Variants in CCSAP observed in about 807,000 individuals in gnomAD.
CCSAP encodes centriole, cilia and spindle-associated protein.
A neutral mutation model predicts 25.9 loss-of-function variants in CCSAP; 17 were observed. That is an observed-to-expected ratio of 0.66 (90% CI 0.45 to 0.99). The LOEUF is 0.99. Ranked by LOEUF, CCSAP falls within the 50% of genes least tolerant of loss-of-function variation. CCSAP has a pLI of 0.00. For missense variants in CCSAP, 339 were observed against 367.8 expected (o/e 0.92, Z 0.64); for synonymous variants, 169 against 157.1 (o/e 1.08, Z -0.57).
intron 2 of CCSAP, among the ~76,000 whole-genome samples, chr1:229,330,359 C>T (rs560899408): frequency 6.6e-5 from 10 of 152,156 alleles, no homozygotes; most frequent in Middle Eastern, 3.2e-3. Context: ...ATGAAAGCCA[C>T]GGCTCCTGGT....
chr1:229,340,959 G>A (rs374306121), intron 2 of CCSAP, among the ~76,000 whole-genome samples: 3 of 152,308 alleles, frequency 2.0e-5, no homozygotes, highest in African/African-American at 7.2e-5. Context: ...ACTTTGGGAG[G>A]CCGAGGCGGG....
chr1:229,340,917 C>G (rs1666865711), intron 2 of CCSAP, among the ~76,000 whole-genome samples: 1 of 152,106 alleles, frequency 6.6e-6, no homozygotes, highest in Admixed American at 6.5e-5. Context: ...AGATTAGGGC[C>G]GGGCATGGTG....
chr1:229,326,497 A>T (rs1374766038), intron 3 of CCSAP, among the ~76,000 whole-genome samples: 1 of 152,164 alleles, frequency 6.6e-6, no homozygotes, highest in Non-Finnish European at 1.5e-5. Flanking sequence ...TGGTGTCACT[A>T]AACTCTTCTG....
chr1:229,328,484 T>C (rs2102692576), intron 2 of CCSAP, among the ~76,000 whole-genome samples: 1 of 151,936 alleles, frequency 6.6e-6, no homozygotes, highest in Non-Finnish European at 1.5e-5. Flanking sequence ...AAAAAATTTT[T>C]TTTGTAGAGA....
chr1:229,342,281 G>C lies in CCSAP; in HGVS notation c.185C>G (p.Ala62Gly). ...CCCGGCGCCCGACGACTCTGACGAC[G>C]CCGAGTCCTCCGAGGAGCCGGCCGG... is the stretch of plus-strand genomic sequence containing the variant. ...WGPAGSSEDS[A>G]SSESSGAGGP... Residue 62 changes from alanine (A) to glycine (G), a missense_variant, in exon 2 of 4, where the codon GCG becomes GGG. Ala to Gly is a moderately conservative substitution (Grantham distance 60). Coordinates refer to ENST00000284617, the MANE Select transcript of CCSAP (RefSeq NM_145257.5). This position sits in a 1 kb window ranked among gnomAD's most constrained non-coding sequence, Gnocchi z 7.5. The C allele has an allele frequency of 7.3e-7, 1 of 1,370,542 alleles. No homozygotes were observed. The highest frequency in any genetic ancestry group is 9.4e-7 in the Non-Finnish European group (1 of 1,061,362). 84.9% of individuals were successfully genotyped at this position (1,370,542 alleles called of 1,614,324 possible).
intron 2 of CCSAP, among the ~76,000 whole-genome samples, chr1:229,333,268 T>C (rs1558251000): frequency 1.3e-5 from 2 of 149,956 alleles, no homozygotes; most frequent in Non-Finnish European, 3.0e-5. Flanking sequence ...CCGTCTCTAC[T>C]AAAAATACAA....
intron 2 of CCSAP, among the ~76,000 whole-genome samples, chr1:229,328,608 T>C (rs761217206): frequency 6.6e-6 from 1 of 152,178 alleles, no homozygotes; most frequent in Non-Finnish European, 1.5e-5. Context: ...CACCCAGCCA[T>C]CAGTGATGAT....
chr1:229,332,794 C>T (rs1391775574), intron 2 of CCSAP, among the ~76,000 whole-genome samples: 3 of 152,044 alleles, frequency 2.0e-5, no homozygotes, highest in African/African-American at 7.2e-5. Context: ...TGCTCAATAC[C>T]CACATGTGGC....
rs1189934493 is a variant in CCSAP, at chr1:229,342,258, C to T, written c.208G>A (p.Gly70Arg). The change falls in exon 2 of 4, where the codon GGG becomes AGG. Residue 70 changes from glycine to arginine, a missense_variant. By Grantham distance (125) the Gly-to-Arg change is moderately radical. Transcript: ENST00000284617. The surrounding 1 kb of genome is among the most constrained non-coding windows in gnomAD (Gnocchi z 7.5). Reference sequence around the variant, plus strand: ...GGGGCGCACCGGGGTGCGGGGCCCCCGGCGCCCGACGACTCTGACGACGCC... The same window carrying T: ...GGGGCGCACCGGGGTGCGGGGCCCCTGGCGCCCGACGACTCTGACGACGCC... ...DSASSESSGA[G>R]GPAPRCAPPS... 1.6e-6 allele frequency: 2 copies of T among 1,284,452 alleles called. No individual in the cohort carries two copies. Among genetic ancestry groups the T allele is most frequent in the Non-Finnish European group, 2.0e-6 (2 of 1,018,832 alleles). 79.6% of individuals were successfully genotyped at this position (1,284,452 alleles called of 1,614,324 possible).
Position 229,325,551 on chromosome 1 carries a change from T to G in CCSAP, c.637-140A>C, listed in dbSNP as rs1657920932. 3 of 655,430 alleles carry G rather than the reference T, an allele frequency of 4.6e-6. No individual in the cohort carries two copies. The South Asian group carries it at 7.1e-5, about 15-fold the overall frequency. The allele number at this position is 655,430 out of a possible 1,614,324, so 40.6% of individuals were successfully genotyped here. A position where few individuals can be genotyped will look rare whatever the true frequency, so the allele number is the denominator to read the frequency against. ...GCCCTGCCTCTCTATATAGTTCTTCTTTACATAAAACCTTCCACAGAAGAG... is the reference window on the plus strand; with the variant it reads ...GCCCTGCCTCTCTATATAGTTCTTCGTTACATAAAACCTTCCACAGAAGAG... On this transcript the variant is annotated intron_variant, in intron 3 of 3. Transcript: ENST00000284617.
Position 229,337,698 on chromosome 1 carries a change from T to C in CCSAP, c.367+4401A>G, listed in dbSNP as rs12058948. On this transcript the variant is annotated intron_variant, in intron 2 of 3. Transcript: ENST00000284617. ...AAAAAAATATATATATATATATATA[T>C]ACACATACATATATATATATGTATA... Among the ~76,000 whole-genome samples the C allele has an allele frequency of 5.3e-4, 32 of 60,702 alleles. 1 individual carries two copies. The highest frequency in any genetic ancestry group is 3.6e-3 in the South Asian group (9 of 2,530). 39.8% of individuals were successfully genotyped at this position (60,702 alleles called of 152,430 possible). A position where few individuals can be genotyped will look rare whatever the true frequency, so the allele number is the denominator to read the frequency against.
Position 229,341,193 on chromosome 1 carries a change from C to CAAAAAAAAA in CCSAP, c.367+897_367+905dup, listed in dbSNP as rs71561730. On this transcript the variant is annotated intron_variant, in intron 2 of 3. Transcript: ENST00000284617. ...TGGGCCACAGAGCGAGACTCCGTCTCAAAAAAAAAAAAAAAAAAAGATTAC... is the reference window on the plus strand; with the variant it reads ...TGGGCCACAGAGCGAGACTCCGTCTCAAAAAAAAAAAAAAAAAAAAAAAAAAAAGATTAC... Among the ~76,000 whole-genome samples, 245 of 90,854 alleles carry CAAAAAAAAA rather than the reference C, an allele frequency of 2.7e-3. 6 individuals carry two copies. The highest frequency in any genetic ancestry group is 4.4e-3 in the African/African-American group (91 of 20,752). The allele number at this position is 90,854 out of a possible 152,430, so 59.6% of individuals were successfully genotyped here.
In CCSAP at chr1:229,342,736, T is replaced by C. The variant is rs892734366; in HGVS notation, c.-49+176A>G. Among the ~76,000 whole-genome samples the C allele has an allele frequency of 6.6e-6, 1 of 151,644 alleles. No homozygotes were observed. Among genetic ancestry groups the C allele is most frequent in the Non-Finnish European group, 1.5e-5 (1 of 67,838 alleles). Reference sequence around the variant, plus strand: ...CGAGGGGCGCGCCGCCGAGGAGGGCTGCTCAGTGGGCGGAAGGCAGGGAGG... The same window carrying C: ...CGAGGGGCGCGCCGCCGAGGAGGGCCGCTCAGTGGGCGGAAGGCAGGGAGG... On this transcript the variant is annotated intron_variant, in intron 1 of 3. Transcript: ENST00000284617. This position sits in a 1 kb window ranked among gnomAD's most constrained non-coding sequence, Gnocchi z 7.5.
intron 2 of CCSAP, among the ~76,000 whole-genome samples, chr1:229,328,815 T>C (rs1239659549): frequency 1.3e-5 from 2 of 152,240 alleles, no homozygotes; most frequent in East Asian, 3.8e-4. Context: ...CTGCCTTCAG[T>C]GATGACCTTG....
chr1:229,342,330 G>A lies in CCSAP; in HGVS notation c.136C>T (p.Pro46Ser), dbSNP rs1467701834. The part of the protein sequence containing the change: ...GRRLLEQAHA[P>S]WLWDDWGPAG... Reference sequence around the variant, plus strand: ...GGGCCCCAGTCGTCCCAGAGCCAGGGCGCGTGCGCCTGCTCCAGCAGCCGG... The same window carrying A: ...GGGCCCCAGTCGTCCCAGAGCCAGGACGCGTGCGCCTGCTCCAGCAGCCGG... Residue 46 changes from proline (P) to serine (S), a missense_variant, in exon 2 of 4, where the codon CCC (proline) becomes TCC (serine). Physicochemically the swap from Pro to Ser is moderately conservative, Grantham distance 74. Transcript: ENST00000284617. This position sits in a 1 kb window ranked among gnomAD's most constrained non-coding sequence, Gnocchi z 7.5. The A allele has an allele frequency of 2.0e-6, 3 of 1,499,984 alleles. No homozygotes were observed. Among genetic ancestry groups the A allele is most frequent in the Non-Finnish European group, 2.7e-6 (3 of 1,126,998 alleles). 92.9% of individuals were successfully genotyped at this position (1,499,984 alleles called of 1,614,324 possible).
rs372484764 is a variant in CCSAP, at chr1:229,329,730, C to T, written c.368-2724G>A. Among the ~76,000 whole-genome samples the T allele has an allele frequency of 9.9e-5, 15 of 152,254 alleles. No homozygotes were observed. The East Asian group carries it at 1.5e-3, about 16-fold the overall frequency. ...CTCCAGCCAGGTACGGTGGCTCAAC[C>T]CTGTAATCCCAGCACTTTGGGAGGC... On this transcript the variant is annotated intron_variant, in intron 2 of 3. Coordinates refer to ENST00000284617, the MANE Select transcript of CCSAP (RefSeq NM_145257.5).
In CCSAP at chr1:229,325,261, T is replaced by C; in HGVS notation, c.787A>G (p.Met263Val). The C allele has an allele frequency of 6.2e-7, 1 of 1,613,342 alleles. No individual in the cohort carries two copies. The highest frequency in any genetic ancestry group is 8.5e-7 in the Non-Finnish European group (1 of 1,179,832). The change falls in exon 4 of 4, where the codon ATG becomes GTG. Residue 263 changes from methionine (M) to valine (V), a missense_variant. Met to Val is a conservative substitution (Grantham distance 21). Coordinates refer to ENST00000284617, the MANE Select transcript of CCSAP (RefSeq NM_145257.5). ...TAAGCTCTTGCCGAATAGCACCTCATGTATTCTGTCATCCACGGGTTCTCT... is the reference window on the plus strand; with the variant it reads ...TAAGCTCTTGCCGAATAGCACCTCACGTATTCTGTCATCCACGGGTTCTCT... ...SSENPWMTEY[M>V]RCYSARA
chr1:229,336,433 G>A (rs191466359), intron 2 of CCSAP, among the ~76,000 whole-genome samples: 5 of 152,038 alleles, frequency 3.3e-5, no homozygotes, highest in South Asian at 4.2e-4. Flanking sequence ...ACCCCTCCTC[G>A]GCACCTTCCT....
At chr1:229,328,926 T>C (rs933727033) in intron 2 of CCSAP, among the ~76,000 whole-genome samples, 4 of 152,222 alleles carry the variant, frequency 2.6e-5, no homozygotes. Flanking sequence ...CATCATCTCT[T>C]TAAACCCAGC....
Sources: allele counts gnomAD v4.1 joint callset (sites outside exome capture counted in the v4.1 genomes callset), GRCh38; gene constraint gnomAD v4.1.1; non-coding constraint Gnocchi (gnomAD v3.1); transcripts MANE v1.5; gene names NCBI Gene and HGNC (gene_info 2026-07-23, HGNC 2026-07-21).